Variants in GPATCH2 observed in about 807,000 individuals in gnomAD.
GPATCH2 encodes the protein G patch domain-containing protein 2.
In GPATCH2, 51 loss-of-function variants were observed where a neutral mutation model predicts 58.0. The observed-to-expected ratio is 0.88, with a 90% CI of 0.70 to 1.11. GPATCH2 has a LOEUF of 1.11. Ranked by LOEUF, GPATCH2 falls within the 50% of genes most tolerant of loss-of-function variation. GPATCH2 has a pLI of 0.00. For missense variants in GPATCH2, 625 were observed against 652.2 expected, an observed-to-expected ratio of 0.96 and a Z score of 0.45; for synonymous variants, 222 against 218.5, an observed-to-expected ratio of 1.02 and a Z score of -0.14.
intron 1 of GPATCH2, among the ~76,000 whole-genome samples, chr1:217,629,377 G>T (rs1372946954): frequency 6.6e-6 from 1 of 152,132 alleles, no homozygotes; most frequent in Non-Finnish European, 1.5e-5. Context: ...AAGAAATGGT[G>T]AGTTGTATGA....
chr1:217,550,123 T>C (rs1665275712), intron 5 of GPATCH2, among the ~76,000 whole-genome samples: 1 of 152,124 alleles, frequency 6.6e-6, no homozygotes, highest in South Asian at 2.1e-4. Context: ...CATGATTTAG[T>C]GATGAGACTC....
chr1:217,533,363 C>T (rs1664297914), intron 5 of GPATCH2, among the ~76,000 whole-genome samples: 2 of 152,170 alleles, frequency 1.3e-5, no homozygotes, highest in Admixed American at 1.3e-4. Context: ...TACAAGCACA[C>T]ACCTCCTGGA....
chr1:217,524,436 G>T (rs373895080), intron 5 of GPATCH2, among the ~76,000 whole-genome samples: 3 of 151,360 alleles, frequency 2.0e-5, no homozygotes, highest in African/African-American at 7.3e-5. Context: ...AGGCAGAGAC[G>T]CTCCTCACTT....
At chr1:217,454,317 C>T (rs185281317) in intron 8 of GPATCH2, among the ~76,000 whole-genome samples, 258 of 152,154 alleles carry the variant, frequency 1.7e-3, no homozygotes, top group Non-Finnish European at 2.9e-3. Context: ...TGGCCTGGTG[C>T]GGTGGCTCAC....
intron 5 of GPATCH2, among the ~76,000 whole-genome samples, chr1:217,577,446 A>C (rs771496403): frequency 6.6e-6 from 1 of 152,170 alleles, no homozygotes; most frequent in East Asian, 1.9e-4. Context: ...TCATTTCCCA[A>C]TCTGTAAAAC....
chr1:217,485,775 G>A (rs1195702741), intron 8 of GPATCH2, among the ~76,000 whole-genome samples: 2 of 152,122 alleles, frequency 1.3e-5, no homozygotes, highest in Non-Finnish European at 2.9e-5. Flanking sequence ...CTGTAATATG[G>A]TGGTAAGTAT....
intron 5 of GPATCH2, among the ~76,000 whole-genome samples, chr1:217,544,491 T>A (rs921202517): frequency 1.3e-5 from 2 of 152,224 alleles, no homozygotes; most frequent in South Asian, 4.1e-4. Context: ...TTTAATTCCC[T>A]TTGTCAGCTC....
At chr1:217,606,334 A>C (rs1558519872) in intron 5 of GPATCH2, among the ~76,000 whole-genome samples, 1 of 151,936 alleles carries the variant, frequency 6.6e-6, no homozygotes, top group African/African-American at 2.4e-5. Context: ...CCTAAAATTT[A>C]TTTGAAACTA....
At chr1:217,523,786 G>A in intron 5 of GPATCH2, among the ~76,000 whole-genome samples, 1 of 142,602 alleles carries the variant, frequency 7.0e-6, no homozygotes, top group Non-Finnish European at 1.5e-5. Flanking sequence ...GGACGGGGCG[G>A]CTGGCCAGGT....
At chr1:217,433,821 T>G (rs1163844807) in intron 9 of GPATCH2, among the ~76,000 whole-genome samples, 9 of 152,248 alleles carry the variant, frequency 5.9e-5, no homozygotes, top group Non-Finnish European at 1.2e-4. Flanking sequence ...GTGTCTCACA[T>G]TGTGGGGAAC....
intron 1 of GPATCH2, among the ~76,000 whole-genome samples, 154 bp from the exon 2 acceptor site, chr1:217,620,653 A>C (rs1669140978): frequency 6.6e-6 from 1 of 152,242 alleles, no homozygotes; most frequent in African/African-American, 2.4e-5. Context: ...TACAGTTTTA[A>C]ATATTGATTC....
chr1:217,487,425 C>CT (rs556623228), intron 8 of GPATCH2, among the ~76,000 whole-genome samples: 6,143 of 137,258 alleles, frequency 0.045, 188 homozygotes, highest in Non-Finnish European at 0.07. Context: ...AAGAGTACTT[C>CT]TTTTTTTTTT....
chr1:217,472,787 G>T (rs912524856), intron 8 of GPATCH2, among the ~76,000 whole-genome samples: 2 of 152,162 alleles, frequency 1.3e-5, no homozygotes, highest in Non-Finnish European at 2.9e-5. Flanking sequence ...AAGAAAAAAA[G>T]AGATTGAAAA....
chr1:217,605,215 T>C (rs534960108), intron 5 of GPATCH2, among the ~76,000 whole-genome samples: 18 of 152,148 alleles, frequency 1.2e-4, no homozygotes, highest in Non-Finnish European at 1.6e-4. Flanking sequence ...CAGAAGAAAA[T>C]ACAATATTCT....
intron 8 of GPATCH2, among the ~76,000 whole-genome samples, chr1:217,483,849 G>C (rs938838264): frequency 2.6e-5 from 4 of 152,120 alleles, no homozygotes; most frequent in African/African-American, 4.8e-5. Flanking sequence ...TGAGTTTTCA[G>C]AGTTGTTTAC....
rs373614116 is a variant in GPATCH2, at chr1:217,491,770, A to G, written c.1207-20T>C. 7.0e-5 allele frequency: 67 copies of G among 958,440 alleles called. No individual in the cohort carries two copies. Among genetic ancestry groups the G allele is most frequent in the Non-Finnish European group, 1.0e-4 (63 of 631,214 alleles). 59.4% of individuals were successfully genotyped at this position (958,440 alleles called of 1,614,324 possible). A position where few individuals can be genotyped will look rare whatever the true frequency, so the allele number is the denominator to read the frequency against. On this transcript the variant is annotated intron_variant, in intron 7 of 9. Coordinates refer to ENST00000366935, the MANE Select transcript of GPATCH2 (RefSeq NM_018040.5). ...CTGATGCTACACAAAGTGTTAAGACAAAGTCATAGAAACAAAAATATTTTC... is the reference window on the plus strand; with the variant it reads ...CTGATGCTACACAAAGTGTTAAGACGAAGTCATAGAAACAAAAATATTTTC...
chr1:217,502,025 G>A (rs1487211507), intron 6 of GPATCH2, among the ~76,000 whole-genome samples: 1 of 151,830 alleles, frequency 6.6e-6, no homozygotes, highest in African/African-American at 2.4e-5. Flanking sequence ...CTATACTTGT[G>A]TGTGTGCGGG....
rs1553353160 is a variant in GPATCH2, at chr1:217,611,061, TTCA to T, written c.843_845del (p.Asp281del). On this transcript the variant is annotated inframe_deletion, in exon 4 of 10. Transcript: ENST00000366935. ...CCTTTTCGTAGAACCAGTCACTCTG[TTCA>T]TCATCACCTGTGCAAATACAAGAAA... The T allele has an allele frequency of 6.2e-7, 1 of 1,612,978 alleles. No homozygotes were observed. Among genetic ancestry groups the T allele is most frequent in the East Asian group, 2.2e-5 (1 of 44,828 alleles).
intron 9 of GPATCH2, among the ~76,000 whole-genome samples, chr1:217,434,548 CT>C (rs1041420885): frequency 5.3e-5 from 8 of 152,258 alleles, no homozygotes; most frequent in African/African-American, 1.9e-4. Flanking sequence ...TACTTCTACC[CT>C]AAGCTAAAGT....
Sources: allele counts gnomAD v4.1 joint callset (sites outside exome capture counted in the v4.1 genomes callset), GRCh38; gene constraint gnomAD v4.1.1; transcripts MANE v1.5; gene names NCBI Gene and HGNC (gene_info 2026-07-23, HGNC 2026-07-21).